Variants in CHST11 observed in about 807,000 individuals in gnomAD.
CHST11 encodes the protein C4S-1.
A neutral mutation model predicts 30.4 loss-of-function variants in CHST11; 9 were observed. The ratio of observed to expected loss-of-function variants is 0.30; its 90% CI spans 0.18 to 0.52. CHST11 has a LOEUF of 0.52. Among genes scored for constraint, CHST11 ranks in the 20% least tolerant of loss-of-function variants. CHST11 has a pLI of 0.97. For missense variants in CHST11, 348 were observed against 460.6 expected, an observed-to-expected ratio of 0.76 and a Z score of 2.24; for synonymous variants, 152 against 187.8, an observed-to-expected ratio of 0.81 and a Z score of 1.56.
At chr12:104,526,716 A>G (rs2038129886) in intron 1 of CHST11, among the ~76,000 whole-genome samples, 1 of 152,154 alleles carries the variant, frequency 6.6e-6, no homozygotes, top group Non-Finnish European at 1.5e-5. Context: ...CCTCAGGTAG[A>G]AATGTTTAGC....
intron 1 of CHST11, among the ~76,000 whole-genome samples, chr12:104,462,894 T>C (rs558186944): frequency 9.9e-5 from 15 of 152,194 alleles, no homozygotes; most frequent in African/African-American, 3.6e-4. Flanking sequence ...ATGAGACAGA[T>C]GTAGGTGATC....
At chr12:104,619,450 T>C (rs530824897) in intron 2 of CHST11, among the ~76,000 whole-genome samples, 1 of 152,294 alleles carries the variant, frequency 6.6e-6, no homozygotes, top group East Asian at 1.9e-4. Flanking sequence ...CTAGGCACAG[T>C]AACCATGTGT....
chr12:104,646,670 A>C (rs2039435542), intron 2 of CHST11, among the ~76,000 whole-genome samples: 1 of 152,144 alleles, frequency 6.6e-6, no homozygotes, highest in Admixed American at 6.5e-5. Flanking sequence ...CTGCACTCCA[A>C]CCTGGCGACA....
intron 1 of CHST11, among the ~76,000 whole-genome samples, chr12:104,531,465 CAAAA>C (rs1439489189): frequency 2.5e-5 from 3 of 119,900 alleles, no homozygotes; most frequent in Non-Finnish European, 5.2e-5. Context: ...ATCCTGTGTC[CAAAA>C]AAAAAAAAAA....
intron 2 of CHST11, among the ~76,000 whole-genome samples, chr12:104,667,625 C>T (rs2039653567): frequency 6.6e-6 from 1 of 152,198 alleles, no homozygotes; most frequent in African/African-American, 2.4e-5. Flanking sequence ...CTTCCGCATG[C>T]ATCCAGACTC....
In CHST11 at chr12:104,458,032, C is replaced by T. The variant is rs922571087; in HGVS notation, c.118+503C>T. 2.6e-5 allele frequency among the ~76,000 whole-genome samples: 4 copies of T among 151,800 alleles called. No individual in the cohort carries two copies. Among genetic ancestry groups the T allele is most frequent in the Admixed American group, 2.0e-4 (3 of 15,256 alleles). On this transcript the variant is annotated intron_variant, in intron 1 of 2. Coordinates refer to ENST00000303694, the MANE Select transcript of CHST11 (RefSeq NM_018413.6). This position sits in a 1 kb window ranked among gnomAD's most constrained non-coding sequence, Gnocchi z 5.7. The stretch of plus-strand genomic sequence containing the variant: ...GGGCCGGGGGCGAAGGGTGTACGCC[C>T]CGGCGAGGTTGCGAGTCCCTGCAGC...
intron 2 of CHST11, among the ~76,000 whole-genome samples, chr12:104,684,532 A>ATATGGTTTGG (rs2039828176): frequency 6.6e-6 from 1 of 151,784 alleles, no homozygotes; most frequent in East Asian, 2.0e-4. Context: ...GTTTTGTTTG[A>ATATGGTTTGG]TATGGTTTGG....
intron 2 of CHST11, among the ~76,000 whole-genome samples, chr12:104,663,447 A>C (rs2039615086): frequency 6.6e-6 from 1 of 152,350 alleles, no homozygotes; most frequent in East Asian, 1.9e-4. Context: ...CCCAGAGATA[A>C]TCATTGCTAA....
chr12:104,595,210 A>G (rs555316424), intron 1 of CHST11, among the ~76,000 whole-genome samples: 201 of 152,182 alleles, frequency 1.3e-3, no homozygotes, highest in African/African-American at 4.7e-3. Flanking sequence ...CTCTGCTTCT[A>G]TATAAGGTTT....
At chr12:104,614,537 A>G (rs901677761) in intron 2 of CHST11, among the ~76,000 whole-genome samples, 3 of 152,000 alleles carry the variant, frequency 2.0e-5, no homozygotes, top group African/African-American at 7.2e-5. Context: ...TTTTTTTTTG[A>G]TTAAAAAAAT....
chr12:104,676,013 C>T lies in CHST11; in HGVS notation c.204+74022C>T, dbSNP rs779954906. 8.5e-5 allele frequency among the ~76,000 whole-genome samples: 13 copies of T among 152,162 alleles called. No homozygotes were observed. The highest frequency in any genetic ancestry group is 3.3e-4 in the Admixed American group (5 of 15,282). Reference sequence around the variant, plus strand: ...TCACAAGCTACATCCCCGCATGCCTCGACTGGTCAACTCCTATAATTCTGT... The same window carrying T: ...TCACAAGCTACATCCCCGCATGCCTTGACTGGTCAACTCCTATAATTCTGT... On this transcript the variant is annotated intron_variant, in intron 2 of 2. Transcript: ENST00000303694. This position sits in a 1 kb window ranked among gnomAD's most constrained non-coding sequence, Gnocchi z 4.4.
intron 2 of CHST11, among the ~76,000 whole-genome samples, chr12:104,709,927 T>A (rs982926118): frequency 6.6e-6 from 1 of 152,354 alleles, no homozygotes; most frequent in Admixed American, 6.5e-5. Flanking sequence ...CTGGGCATGG[T>A]GGCTCATGCT....
At chr12:104,523,246 G>A (rs573541932) in intron 1 of CHST11, among the ~76,000 whole-genome samples, 3 of 152,292 alleles carry the variant, frequency 2.0e-5, no homozygotes, top group Admixed American at 1.3e-4. Flanking sequence ...GGGGTTTCTT[G>A]TCTCTGTCTC....
chr12:104,633,049 G>A (rs1319315595), intron 2 of CHST11, among the ~76,000 whole-genome samples: 3 of 152,242 alleles, frequency 2.0e-5, no homozygotes, highest in African/African-American at 4.8e-5. Flanking sequence ...TGGGCAGGGA[G>A]GGTGAGAGCT....
intron 2 of CHST11, among the ~76,000 whole-genome samples, chr12:104,686,673 G>A (rs2039849399): frequency 6.6e-6 from 1 of 152,146 alleles, no homozygotes; most frequent in South Asian, 2.1e-4. Context: ...TGGAGACGGA[G>A]TTTCATTCTT....
chr12:104,635,612 A>G (rs2039316036), intron 2 of CHST11, among the ~76,000 whole-genome samples: 1 of 152,234 alleles, frequency 6.6e-6, no homozygotes, highest in Non-Finnish European at 1.5e-5. Context: ...GTGGAATGAC[A>G]GAGCCTTAGG....
At chr12:104,635,383 C>T (rs541278457) in intron 2 of CHST11, among the ~76,000 whole-genome samples, 64 of 152,328 alleles carry the variant, frequency 4.2e-4, no homozygotes, top group Middle Eastern at 3.4e-3. Context: ...CGGTGGCACA[C>T]GCCCGGGGCT....
intron 2 of CHST11, among the ~76,000 whole-genome samples, chr12:104,630,404 C>T (rs1261517743): frequency 6.6e-6 from 1 of 152,204 alleles, no homozygotes; most frequent in African/African-American, 2.4e-5. Flanking sequence ...CAATTCCTGG[C>T]AGGTGGTGAG....
rs2040507098 is a variant in CHST11, at chr12:104,759,488, GGTAA to G, written c.*1688_*1691del. The G allele has an allele frequency of 6.6e-6, 1 of 152,048 alleles. No individual in the cohort carries two copies. The highest frequency in any genetic ancestry group is 1.5e-5 in the Non-Finnish European group (1 of 68,030). 9.4% of individuals were successfully genotyped at this position (152,048 alleles called of 1,614,324 possible). ...ATAGGGGAGGGTGGGATGGGGTGTG[GGTAA>G]GTTTTGCCTTTTGTTTTGTTTTTGA... On this transcript the variant is annotated 3_prime_UTR_variant, in exon 3 of 3. Coordinates refer to ENST00000303694, the MANE Select transcript of CHST11 (RefSeq NM_018413.6).
Sources: gnomAD v4.1 joint callset for allele counts (sites outside exome capture counted in the v4.1 genomes callset) on GRCh38, gnomAD v4.1.1 for gene constraint, Gnocchi (gnomAD v3.1) non-coding constraint, MANE v1.5 for transcripts, NCBI Gene and HGNC (gene_info 2026-07-23, HGNC 2026-07-21) for gene names.